The following PDGFC variants were observed in gnomAD, a reference collection of about 807,000 sequenced individuals.
The protein encoded by PDGFC is platelet-derived growth factor C.
A neutral mutation model predicts 35.5 loss-of-function variants in PDGFC; 12 were observed. That is an observed-to-expected ratio of 0.34 (90% CI 0.22 to 0.55). The LOEUF (loss-of-function observed/expected upper bound fraction) is 0.55. PDGFC is among the 20% of genes least tolerant of loss of function. The pLI is 0.91. For missense variants in PDGFC, 322 were observed against 412.4 expected (o/e 0.78, Z 1.90); for synonymous variants, 159 against 148.8 (o/e 1.07, Z -0.50).
At chr4:156,898,253 C>T (rs974458841) in intron 1 of PDGFC, among the ~76,000 whole-genome samples, 1 of 152,254 alleles carries the variant, frequency 6.6e-6, no homozygotes, top group African/African-American at 2.4e-5. Context: ...CTGCCAGCAC[C>T]TCAATCTTGG....
chr4:156,827,273 C>G (rs978830257), intron 2 of PDGFC, among the ~76,000 whole-genome samples: 15 of 151,992 alleles, frequency 9.9e-5, no homozygotes, highest in African/African-American at 3.6e-4. Flanking sequence ...AAAAATTAGC[C>G]GGGTGTGGTG....
intron 2 of PDGFC, among the ~76,000 whole-genome samples, chr4:156,832,294 T>C (rs1394861765): frequency 1.3e-5 from 2 of 150,304 alleles, no homozygotes; most frequent in East Asian, 1.9e-4. Flanking sequence ...CTTGCTCTTG[T>C]TGCCCAGGCT....
intron 1 of PDGFC, among the ~76,000 whole-genome samples, chr4:156,891,029 T>G: frequency 6.6e-6 from 1 of 152,028 alleles, no homozygotes. Flanking sequence ...TCATAAAACC[T>G]TTATGTAAAA....
At chr4:156,763,967 C>T (rs930250124) in intron 5 of PDGFC, among the ~76,000 whole-genome samples, 1 of 152,156 alleles carries the variant, frequency 6.6e-6, no homozygotes, top group African/African-American at 2.4e-5. Flanking sequence ...CAAAAAGATG[C>T]AGTTGTGTAT....
intron 1 of PDGFC, among the ~76,000 whole-genome samples, chr4:156,927,596 C>G (rs1393011354): frequency 6.6e-6 from 1 of 152,132 alleles, no homozygotes; most frequent in Non-Finnish European, 1.5e-5. Context: ...TCTGCCAAAA[C>G]ATAACAAGAG....
At chr4:156,822,638 GTTA>G (rs1732300464) in intron 2 of PDGFC, among the ~76,000 whole-genome samples, 1 of 152,082 alleles carries the variant, frequency 6.6e-6, no homozygotes. Context: ...TCTGGTTACT[GTTA>G]TTATACCCAC....
chr4:156,787,847 C>T lies in PDGFC; in HGVS notation c.496-14954G>A, dbSNP rs574943287. ...GTGTTCAGAAGTCCTTTTCTGATTG[C>T]TTGTAATCTCCTTGTGACAGAGAAA... is the stretch of plus-strand genomic sequence containing the variant. On this transcript the variant is annotated intron_variant, in intron 3 of 5. Transcript: ENST00000502773. 6.6e-5 allele frequency among the ~76,000 whole-genome samples: 10 copies of T among 152,176 alleles called. No individual in the cohort carries two copies. The South Asian group carries it at 1.5e-3, about 22-fold the overall frequency.
intron 1 of PDGFC, among the ~76,000 whole-genome samples, chr4:156,889,721 C>G (rs1487551563): frequency 6.6e-6 from 1 of 152,194 alleles, no homozygotes; most frequent in Non-Finnish European, 1.5e-5. Context: ...AGATCTGAAG[C>G]TAACAGGCAT....
chr4:156,786,156 A>G (rs916818526), intron 3 of PDGFC, among the ~76,000 whole-genome samples: 5 of 152,190 alleles, frequency 3.3e-5, no homozygotes, highest in Non-Finnish European at 5.9e-5. Context: ...CAATAAATAC[A>G]TACTGAGCAA....
chr4:156,863,678 A>G (rs1219513946), intron 1 of PDGFC, among the ~76,000 whole-genome samples: 1 of 152,058 alleles, frequency 6.6e-6, no homozygotes, highest in Non-Finnish European at 1.5e-5. Context: ...GCTTCACTCC[A>G]CTGCTTGAAT....
chr4:156,815,456 G>A (rs75667740), intron 2 of PDGFC, among the ~76,000 whole-genome samples: 40 of 151,990 alleles, frequency 2.6e-4, no homozygotes, highest in Admixed American at 1.2e-3. Context: ...AAATCAGGTC[G>A]TCTGCTTTAA....
intron 3 of PDGFC, among the ~76,000 whole-genome samples, chr4:156,787,500 T>C (rs1731160689): frequency 6.6e-6 from 1 of 152,138 alleles, no homozygotes; most frequent in Non-Finnish European, 1.5e-5. Context: ...AACATAACTG[T>C]CGTGAGCAGT....
At chr4:156,907,407 T>C (rs1730939547) in intron 1 of PDGFC, among the ~76,000 whole-genome samples, 1 of 149,770 alleles carries the variant, frequency 6.7e-6, no homozygotes, top group South Asian at 2.1e-4. Flanking sequence ...ATACAAAGAG[T>C]TTACTTTAGC....
chr4:156,846,144 A>G (rs1414841566), intron 2 of PDGFC, among the ~76,000 whole-genome samples: 1 of 151,838 alleles, frequency 6.6e-6, no homozygotes. Flanking sequence ...TGCTAAAAAA[A>G]TTGGGTGATA....
At chr4:156,881,013 A>G (rs1410372931) in intron 1 of PDGFC, among the ~76,000 whole-genome samples, 4 of 152,198 alleles carry the variant, frequency 2.6e-5, no homozygotes, top group Non-Finnish European at 4.4e-5. Flanking sequence ...GTTGATTCCA[A>G]TTTTGAAAAA....
rs114074190 is a variant in PDGFC, at chr4:156,957,734, G to A, written c.118+13052C>T. Among the ~76,000 whole-genome samples the A allele has an allele frequency of 3.0e-3, 456 of 152,116 alleles. 1 individual carries two copies. The highest frequency in any genetic ancestry group is 0.01 in the African/African-American group (421 of 41,534). On this transcript the variant is annotated intron_variant, in intron 1 of 5. Coordinates refer to ENST00000502773, the MANE Select transcript of PDGFC (RefSeq NM_016205.3). The stretch of plus-strand genomic sequence containing the variant: ...GATAAAGGAGCTCACAATAAAGCAT[G>A]AAGAATCACTCTTCTATTTACTCAA...
chr4:156,839,679 T>C (rs868662185), intron 2 of PDGFC, among the ~76,000 whole-genome samples: 3 of 152,160 alleles, frequency 2.0e-5, no homozygotes, highest in Non-Finnish European at 4.4e-5. Flanking sequence ...CAGGAAAATA[T>C]GGGAAAGTTT....
intron 3 of PDGFC, among the ~76,000 whole-genome samples, chr4:156,783,994 T>C (rs1422446005): frequency 2.0e-5 from 3 of 152,142 alleles, no homozygotes; most frequent in African/African-American, 7.2e-5. Context: ...AACTATGTAA[T>C]ACAGGCAAAA....
intron 1 of PDGFC, among the ~76,000 whole-genome samples, chr4:156,895,870 T>C (rs1224213044): frequency 6.6e-6 from 1 of 152,136 alleles, no homozygotes; most frequent in Non-Finnish European, 1.5e-5. Context: ...TGAGAGTAGC[T>C]GAGTGTTGAT....
Sources: gnomAD v4.1 joint callset for allele counts (sites outside exome capture counted in the v4.1 genomes callset) on GRCh38, gnomAD v4.1.1 for gene constraint, MANE v1.5 for transcripts, NCBI Gene and HGNC (gene_info 2026-07-23, HGNC 2026-07-21) for gene names.